The following ATRNL1 variants were observed in gnomAD, a reference collection of about 807,000 sequenced individuals.
ATRNL1 encodes attractin like 1, also known as attractin-like protein 1.
ATRNL1 carries 95 observed loss-of-function variants against 182.7 expected under a neutral mutation model. The observed-to-expected ratio is 0.52, with a 90% CI of 0.44 to 0.62. The LOEUF is 0.62. Ranked by LOEUF, ATRNL1 falls within the 20% of genes least tolerant of loss-of-function variation. ATRNL1 has a pLI of 0.00. For synonymous variants in ATRNL1, 576 were observed against 568.3 expected (o/e 1.01, Z -0.19); for missense variants, 1,471 against 1,679.5 (o/e 0.88, Z 2.17).
chr10:115,448,342 C>G (rs1359411163), intron 21 of ATRNL1, among the ~76,000 whole-genome samples: 1 of 152,056 alleles, frequency 6.6e-6, no homozygotes, highest in Non-Finnish European at 1.5e-5. Context: ...TCATAACAAA[C>G]ACACTCTTGG....
intron 19 of ATRNL1, among the ~76,000 whole-genome samples, chr10:115,342,614 G>A (rs529143943): frequency 5.3e-4 from 81 of 152,142 alleles, no homozygotes; most frequent in African/African-American, 1.9e-3. Flanking sequence ...TAGGATAAGA[G>A]TATTTTACTC....
In ATRNL1 at chr10:115,445,517, G is replaced by GTA. The variant is rs201792260; in HGVS notation, c.3323-16423_3323-16422insAT. On this transcript the variant is annotated intron_variant, in intron 21 of 28. Transcript: ENST00000355044. ...ATAACTCATTTGTCCGTGTGTGTGT[G>GTA]TGTGTGTGTGTGTGTGTGTGTGTGT... 7.8e-3 allele frequency among the ~76,000 whole-genome samples: 1,084 copies of GTA among 139,094 alleles called. 16 individuals carry two copies. The highest frequency in any genetic ancestry group is 0.031 in the African/African-American group (1,001 of 32,504). 91.3% of individuals were successfully genotyped at this position (139,094 alleles called of 152,430 possible).
chr10:115,582,949 C>G (rs1454521410), intron 26 of ATRNL1, among the ~76,000 whole-genome samples: 1 of 147,654 alleles, frequency 6.8e-6, no homozygotes, highest in Non-Finnish European at 1.5e-5. Flanking sequence ...GATCCAGTTT[C>G]AGCTTTCTAC....
chr10:115,295,305 G>T (rs1408711096), intron 15 of ATRNL1, among the ~76,000 whole-genome samples: 1 of 152,036 alleles, frequency 6.6e-6, no homozygotes, highest in South Asian at 2.1e-4. Flanking sequence ...TGGCTTGGGG[G>T]AATATCTGCT....
chr10:115,842,225 C>T (rs1320336646), intron 27 of ATRNL1, among the ~76,000 whole-genome samples: 1 of 151,946 alleles, frequency 6.6e-6, no homozygotes, highest in Non-Finnish European at 1.5e-5. Flanking sequence ...CACATTAATC[C>T]TTAATTCCTT....
At chr10:115,366,262 C>T (rs1159974510) in intron 19 of ATRNL1, among the ~76,000 whole-genome samples, 3 of 151,990 alleles carry the variant, frequency 2.0e-5, no homozygotes, top group African/African-American at 7.3e-5. Flanking sequence ...GATCCCTTTA[C>T]CATTATGTAA....
intron 27 of ATRNL1, among the ~76,000 whole-genome samples, chr10:115,790,495 C>T (rs1465712591): frequency 1.3e-5 from 2 of 152,004 alleles, no homozygotes; most frequent in African/African-American, 4.8e-5. Context: ...AATATCTGTT[C>T]CTAAACAGTG....
chr10:115,786,311 A>G (rs1949395354), intron 27 of ATRNL1, among the ~76,000 whole-genome samples: 2 of 152,092 alleles, frequency 1.3e-5, no homozygotes, highest in African/African-American at 4.8e-5. Flanking sequence ...ACCATAACCA[A>G]TTACCACAGA....
intron 26 of ATRNL1, among the ~76,000 whole-genome samples, chr10:115,620,771 C>T (rs1417217001): frequency 1.3e-5 from 2 of 152,304 alleles, no homozygotes; most frequent in South Asian, 4.1e-4. Context: ...CCTGTAGACA[C>T]AACATACTAC....
At chr10:115,665,237 G>T (rs1860933215) in intron 26 of ATRNL1, among the ~76,000 whole-genome samples, 1 of 152,116 alleles carries the variant, frequency 6.6e-6, no homozygotes, top group African/African-American at 2.4e-5. Context: ...ATGTTTAATA[G>T]AAATATATAA....
intron 27 of ATRNL1, among the ~76,000 whole-genome samples, chr10:115,810,668 T>G (rs1264365619): frequency 6.6e-6 from 1 of 151,924 alleles, no homozygotes; most frequent in African/African-American, 2.4e-5. Flanking sequence ...CTTTAATAAA[T>G]TCTATATCTT....
intron 25 of ATRNL1, among the ~76,000 whole-genome samples, chr10:115,539,191 T>C (rs1264260627): frequency 6.6e-6 from 1 of 152,250 alleles, no homozygotes; most frequent in East Asian, 1.9e-4. Context: ...TTATTTTTTG[T>C]TTATGTTGAG....
rs146911365 is a variant in ATRNL1 at position 115,131,354 on chromosome 10, A to C, written c.829+1819A>C. Among the ~76,000 whole-genome samples, 240 of 152,258 alleles carry C rather than the reference A, an allele frequency of 1.6e-3. 1 individual carries two copies. The highest frequency in any genetic ancestry group is 5.6e-3 in the African/African-American group (233 of 41,566). Reference sequence around the variant, plus strand: ...TAAGACAATTTTATACCATTTTCTTAATAATTAAGGAAATGATTTCTGAAT... The same window carrying C: ...TAAGACAATTTTATACCATTTTCTTCATAATTAAGGAAATGATTTCTGAAT... On this transcript the variant is annotated intron_variant, in intron 5 of 28. Coordinates refer to ENST00000355044, the MANE Select transcript of ATRNL1 (RefSeq NM_207303.4).
chr10:115,298,356 C>T (rs2201363), intron 15 of ATRNL1, among the ~76,000 whole-genome samples: 42,197 of 151,968 alleles, frequency 0.28, 6,844 homozygotes, highest in East Asian at 0.67. Flanking sequence ...ACTGCCTGTC[C>T]AGTTCATTTA....
intron 28 of ATRNL1, among the ~76,000 whole-genome samples, chr10:115,938,667 C>T (rs1203437135): frequency 6.6e-6 from 1 of 152,144 alleles, no homozygotes; most frequent in African/African-American, 2.4e-5. Flanking sequence ...GAATATTATA[C>T]AGCCTTAAAA....
At chr10:115,510,135 G>C (rs1850316977) in intron 24 of ATRNL1, among the ~76,000 whole-genome samples, 1 of 152,032 alleles carries the variant, frequency 6.6e-6, no homozygotes, top group South Asian at 2.1e-4. Context: ...TGAGATGTTG[G>C]TTTTTATGGA....
intron 24 of ATRNL1, among the ~76,000 whole-genome samples, chr10:115,489,272 G>T (rs559766971): frequency 2.0e-5 from 3 of 152,070 alleles, no homozygotes; most frequent in Non-Finnish European, 4.4e-5. Flanking sequence ...TCAAATCCTG[G>T]ATATCCTTGT....
chr10:115,410,572 G>A (rs1374171403), intron 20 of ATRNL1, among the ~76,000 whole-genome samples: 1 of 151,866 alleles, frequency 6.6e-6, no homozygotes, highest in Non-Finnish European at 1.5e-5. Context: ...GCCCGCCTTG[G>A]CCTTCCAAAG....
chr10:115,840,832 A>C (rs1555096870), intron 27 of ATRNL1, among the ~76,000 whole-genome samples: 2 of 152,032 alleles, frequency 1.3e-5, no homozygotes, highest in Non-Finnish European at 2.9e-5. Flanking sequence ...GTCTACGTGA[A>C]TGGAGGGGCC....
Sources: allele counts gnomAD v4.1 joint callset (sites outside exome capture counted in the v4.1 genomes callset), GRCh38; gene constraint gnomAD v4.1.1; transcripts MANE v1.5; gene names NCBI Gene and HGNC (gene_info 2026-07-23, HGNC 2026-07-21).